The following EEFSEC variants were observed in gnomAD, a reference collection of about 807,000 sequenced individuals.
The protein encoded by EEFSEC is eukaryotic elongation factor, selenocysteine-tRNA specific.
In EEFSEC, 43 loss-of-function variants were observed where a neutral mutation model predicts 42.1. The ratio of observed to expected loss-of-function variants is 1.02; its 90% confidence interval spans 0.80 to 1.32. The LOEUF (loss-of-function observed/expected upper bound fraction) is 1.32, where lower values mean the gene tolerates loss of function less well. Among genes scored for constraint, EEFSEC ranks in the 40% most tolerant of loss-of-function variants. The pLI, the probability that EEFSEC is intolerant of heterozygous loss-of-function variation, is 0.00. For synonymous variants in EEFSEC, 354 were observed against 339.1 expected, an observed-to-expected ratio of 1.04 and a Z score of -0.48; for missense variants, 745 against 803.6, an observed-to-expected ratio of 0.93 and a Z score of 0.88.
intron 6 of EEFSEC, among the ~76,000 whole-genome samples, chr3:128,402,985 TCATAGAGGACATTAGAAGGTGATAAGAG>T (rs1373728011): frequency 1.3e-5 from 2 of 151,734 alleles, no homozygotes; most frequent in Non-Finnish European, 2.9e-5. Flanking sequence ...AACAAGGACA[TCATAGAGGACATTAGAAGGTGATAAGAG>T]CTATAGGAAA....
downstream of EEFSEC, among the ~76,000 whole-genome samples, chr3:128,410,729 G>A (rs945723934): frequency 6.6e-6 from 1 of 152,154 alleles, no homozygotes; most frequent in Non-Finnish European, 1.5e-5. Flanking sequence ...GCCCTAGGGT[G>A]GGCCCCACAC....
intron 1 of EEFSEC, among the ~76,000 whole-genome samples, chr3:128,156,444 C>T (rs1471749554): frequency 3.9e-5 from 6 of 152,214 alleles, no homozygotes; most frequent in African/African-American, 1.4e-4. Context: ...CCGCTTCCAA[C>T]ATACGTGCAT....
intron 6 of EEFSEC, among the ~76,000 whole-genome samples, chr3:128,396,523 C>T (rs916134127): frequency 1.3e-5 from 2 of 152,158 alleles, no homozygotes; most frequent in African/African-American, 2.4e-5. Flanking sequence ...CAAATGGGAT[C>T]GTCTCCGCCC....
chr3:128,416,953 T>C, the EEFSEC span, among the ~76,000 whole-genome samples: 1 of 152,110 alleles, frequency 6.6e-6, no homozygotes, highest in Non-Finnish European at 1.5e-5. Context: ...GTTCCTGCTT[T>C]GTGACTCAGA....
At chr3:128,239,920 G>A (rs974975640) in intron 1 of EEFSEC, among the ~76,000 whole-genome samples, 2 of 152,238 alleles carry the variant, frequency 1.3e-5, no homozygotes, top group African/African-American at 2.4e-5. Flanking sequence ...GCCTGGCCAG[G>A]AGCCTCTAGC....
chr3:128,242,057 G>T (rs1011441655), intron 1 of EEFSEC, among the ~76,000 whole-genome samples: 2 of 152,174 alleles, frequency 1.3e-5, no homozygotes, highest in African/African-American at 4.8e-5. Context: ...GCTCACGCCC[G>T]TAATCCTAGT....
At chr3:128,310,490 G>A (rs943439287) in intron 4 of EEFSEC, among the ~76,000 whole-genome samples, 2 of 152,152 alleles carry the variant, frequency 1.3e-5, no homozygotes, top group South Asian at 2.1e-4. Context: ...GTGGCCTTGC[G>A]CCTATCCCCT....
At chr3:128,183,011 C>T (rs1173730825) in intron 1 of EEFSEC, among the ~76,000 whole-genome samples, 1 of 152,056 alleles carries the variant, frequency 6.6e-6, no homozygotes, top group Non-Finnish European at 1.5e-5. Flanking sequence ...TTTGGAATCC[C>T]GCTGATCCAG....
intron 6 of EEFSEC, among the ~76,000 whole-genome samples, chr3:128,383,506 G>A (rs1477886363): frequency 6.6e-6 from 1 of 152,228 alleles, no homozygotes; most frequent in Non-Finnish European, 1.5e-5. Context: ...GGCGCAGAGA[G>A]GTCACATGTC....
intron 1 of EEFSEC, among the ~76,000 whole-genome samples, chr3:128,204,061 G>A (rs2065668664): frequency 6.6e-6 from 1 of 152,206 alleles, no homozygotes; most frequent in Non-Finnish European, 1.5e-5. Context: ...GTATTCCCAA[G>A]GAACAAGTCC....
chr3:128,158,202 A>T (rs561719461), intron 1 of EEFSEC, among the ~76,000 whole-genome samples: 1 of 152,334 alleles, frequency 6.6e-6, no homozygotes, highest in Non-Finnish European at 1.5e-5. Context: ...TGAGTGGATG[A>T]GGAGTTGCTT....
intron 1 of EEFSEC, among the ~76,000 whole-genome samples, chr3:128,219,634 C>G (rs1479616663): frequency 2.6e-5 from 4 of 152,172 alleles, no homozygotes; most frequent in Non-Finnish European, 4.4e-5. Flanking sequence ...TTTTATCTCT[C>G]TGTACAAGCT....
intron 4 of EEFSEC, among the ~76,000 whole-genome samples, chr3:128,270,714 C>A (rs2066404733): frequency 6.6e-6 from 1 of 152,252 alleles, no homozygotes; most frequent in Admixed American, 6.5e-5. Flanking sequence ...GCCCTTCCCC[C>A]ACCTCCAGCA....
intron 6 of EEFSEC, among the ~76,000 whole-genome samples, chr3:128,394,148 C>T (rs532384861): frequency 6.6e-4 from 100 of 152,352 alleles, no homozygotes; most frequent in Middle Eastern, 3.4e-3. Flanking sequence ...CACAGGGTGC[C>T]AGGCCCCAGC....
At chr3:128,181,258 T>G (rs1296434582) in intron 1 of EEFSEC, among the ~76,000 whole-genome samples, 3 of 152,232 alleles carry the variant, frequency 2.0e-5, no homozygotes, top group Admixed American at 1.3e-4. Flanking sequence ...GATAAAATAC[T>G]TGGTAGAATA....
chr3:128,310,091 T>C (rs2066874234), intron 4 of EEFSEC, among the ~76,000 whole-genome samples: 1 of 152,254 alleles, frequency 6.6e-6, no homozygotes, highest in African/African-American at 2.4e-5. Context: ...GTATCTGTGC[T>C]TTTCAGGGAG....
intron 1 of EEFSEC, among the ~76,000 whole-genome samples, chr3:128,162,244 A>G (rs1487845552): frequency 6.6e-6 from 1 of 152,216 alleles, no homozygotes; most frequent in Non-Finnish European, 1.5e-5. Context: ...GGTACACACC[A>G]TAACTAGAAG....
intron 4 of EEFSEC, among the ~76,000 whole-genome samples, chr3:128,285,125 G>T (rs577677787): frequency 1.3e-5 from 2 of 152,152 alleles, no homozygotes; most frequent in South Asian, 4.2e-4. Context: ...GGCTTAAGAG[G>T]TACCTAGGGT....
In EEFSEC at chr3:128,408,167, G is replaced by A. The variant is rs755485270; in HGVS notation, c.1699G>A (p.Glu567Lys). The change falls in exon 7 of 7, where the codon GAG becomes AAG. Residue 567 changes from glutamate (E) to lysine (K), a missense_variant. Coordinates refer to ENST00000254730, the MANE Select transcript of EEFSEC (RefSeq NM_021937.5). ...GGCCACCAGGCAGGAGGAGAGCGCC[G>A]AGCGGAGCGAGCCCTCACAGCATGT... ...GEATRQEESA[E>K]RSEPSQHVVL... is the part of the protein sequence containing the mutation. 4.8e-5 allele frequency: 77 copies of A among 1,612,694 alleles called. No individual in the cohort carries two copies. Among genetic ancestry groups the A allele is most frequent in the East Asian group, 2.9e-4 (13 of 44,844 alleles).
Sources: gnomAD v4.1 joint callset for allele counts (sites outside exome capture counted in the v4.1 genomes callset) on GRCh38, gnomAD v4.1.1 for gene constraint, MANE v1.5 for transcripts, NCBI Gene and HGNC (gene_info 2026-07-23, HGNC 2026-07-21) for gene names.